KAZN: variants seen among roughly 807,000 people sequenced by gnomAD.
KAZN encodes kazrin, periplakin interacting protein.
A neutral mutation model predicts 87.4 loss-of-function variants in KAZN; 40 were observed. The observed-to-expected ratio is 0.46, with a 90% CI of 0.36 to 0.60. KAZN has a LOEUF of 0.60. Ranked by LOEUF, KAZN falls within the 20% of genes least tolerant of loss-of-function variation. KAZN has a pLI of 0.00. For synonymous variants in KAZN, 466 were observed against 458.3 expected, an observed-to-expected ratio of 1.02 and a Z score of -0.22; for missense variants, 898 against 1,073.9, an observed-to-expected ratio of 0.84 and a Z score of 2.29.
At chr1:14,809,710 A>G (rs3933177) in intron 1 of KAZN, among the ~76,000 whole-genome samples, 36,678 of 152,140 alleles carry the variant, frequency 0.24, 5,375 homozygotes, top group African/African-American at 0.41. Flanking sequence ...GGGCTAGGGT[A>G]TGAAGCCAGC....
At chr1:14,502,646 G>A (rs1379706928) in intron 2 of KAZN, among the ~76,000 whole-genome samples, 1 of 152,132 alleles carries the variant, frequency 6.6e-6, no homozygotes, top group East Asian at 1.9e-4. Context: ...TATTTTAGTT[G>A]AGGACTGAAC....
At chr1:14,225,973 C>G (rs12141963) in intron 2 of KAZN, among the ~76,000 whole-genome samples, 1 of 151,960 alleles carries the variant, frequency 6.6e-6, no homozygotes, top group Non-Finnish European at 1.5e-5. Context: ...GATGAAGACT[C>G]CAAAAGCAAT....
At chr1:15,064,989 G>A (rs1442494931) in intron 7 of KAZN, among the ~76,000 whole-genome samples, 2 of 150,990 alleles carry the variant, frequency 1.3e-5, no homozygotes, top group South Asian at 2.1e-4. Context: ...CTGAATGCCT[G>A]TGGCACACCA....
At chr1:13,995,624 G>A (rs10927982) in intron 1 of KAZN, among the ~76,000 whole-genome samples, 21,397 of 152,154 alleles carry the variant, frequency 0.14, 1,618 homozygotes, top group Middle Eastern at 0.22. Context: ...GATTTGACAC[G>A]ATCCCAATCA....
chr1:14,234,754 T>C (rs1310167091), intron 2 of KAZN, among the ~76,000 whole-genome samples: 2 of 152,204 alleles, frequency 1.3e-5, no homozygotes, highest in Admixed American at 1.3e-4. Context: ...AGGTGATGAA[T>C]CTGAGTTAGC....
At chr1:15,017,874 G>C (rs1352527052) in intron 2 of KAZN, among the ~76,000 whole-genome samples, 1 of 152,056 alleles carries the variant, frequency 6.6e-6, no homozygotes, top group African/African-American at 2.4e-5. Flanking sequence ...TCATAAGCCT[G>C]CCTCTGGCAT....
At chr1:14,585,297 G>A (rs993104172) in intron 2 of KAZN, among the ~76,000 whole-genome samples, 1 of 152,212 alleles carries the variant, frequency 6.6e-6, no homozygotes, top group African/African-American at 2.4e-5. Flanking sequence ...TCAATCATGT[G>A]TTAGTCAGCT....
intron 2 of KAZN, among the ~76,000 whole-genome samples, chr1:14,289,896 C>T (rs918825150): frequency 1.8e-4 from 28 of 152,034 alleles, no homozygotes; most frequent in African/African-American, 5.1e-4. Flanking sequence ...AATCTCTCAG[C>T]GTTTGTTTGT....
chr1:14,092,824 T>C (rs1644037599), intron 1 of KAZN, among the ~76,000 whole-genome samples: 1 of 152,228 alleles, frequency 6.6e-6, no homozygotes, highest in African/African-American at 2.4e-5. Flanking sequence ...GTAAGTGTTG[T>C]GTAATGTACT....
intron 1 of KAZN, among the ~76,000 whole-genome samples, chr1:14,695,510 C>CTTTTTTTTTTTTTTTTTTTTGTTTTTTTT (rs112667110): frequency 1.2e-5 from 1 of 85,048 alleles, no homozygotes; most frequent in Admixed American, 1.2e-4. Context: ...TACATTCCAT[C>CTTTTTTTTTTTTTTTTTTTTGTTTTTTTT]TTTTTTTTTT....
intron 2 of KAZN, among the ~76,000 whole-genome samples, chr1:14,302,048 C>G (rs752483621): frequency 5.9e-5 from 9 of 152,320 alleles, no homozygotes; most frequent in Non-Finnish European, 1.3e-4. Flanking sequence ...AGTGCAAGAT[C>G]TGGCACTTGG....
chr1:14,929,229 A>G (rs898964344), intron 1 of KAZN, among the ~76,000 whole-genome samples: 2 of 152,202 alleles, frequency 1.3e-5, no homozygotes, highest in African/African-American at 2.4e-5. Flanking sequence ...GACTTGATGT[A>G]TATGTGTTTA....
intron 1 of KAZN, among the ~76,000 whole-genome samples, chr1:13,923,366 G>C (rs1007753366): frequency 4.6e-5 from 7 of 152,078 alleles, no homozygotes; most frequent in African/African-American, 1.7e-4. Context: ...GAGGTCAGGA[G>C]ATTGAGACCA....
intron 2 of KAZN, among the ~76,000 whole-genome samples, chr1:14,234,643 G>GATCT (rs1648227657): frequency 6.6e-6 from 1 of 152,172 alleles, no homozygotes; most frequent in African/African-American, 2.4e-5. Context: ...GCAAGGTGTG[G>GATCT]GGGTGGTGGA....
At chr1:14,313,887 G>T (rs998231377) in intron 2 of KAZN, among the ~76,000 whole-genome samples, 2 of 151,878 alleles carry the variant, frequency 1.3e-5, no homozygotes, top group Admixed American at 1.3e-4. Context: ...AAAGGGTTGG[G>T]AATCATAAAT....
In KAZN at chr1:15,071,463, C is replaced by T. The variant is rs1557778811; in HGVS notation, c.1222+5710C>T. On this transcript the variant is annotated intron_variant, in intron 8 of 14. Coordinates refer to ENST00000376030, the MANE Select transcript of KAZN (RefSeq NM_201628.3). ...AGAGACGGGAGTTTGCCATGTTGGC[C>T]AGGCTGATTTTGAACGCCTGACCTC... Among the ~76,000 whole-genome samples the T allele has an allele frequency of 3.3e-5, 5 of 152,118 alleles. No individual in the cohort carries two copies. In the South Asian group the frequency reaches 8.3e-4, roughly 25 times the overall value.
At chr1:14,904,935 G>A (rs1029968709) in intron 1 of KAZN, among the ~76,000 whole-genome samples, 2 of 152,092 alleles carry the variant, frequency 1.3e-5, no homozygotes, top group African/African-American at 4.8e-5. Flanking sequence ...CTAATTTTTT[G>A]TATTTTTAGT....
At chr1:13,969,026 C>T (rs1642043182) in intron 1 of KAZN, among the ~76,000 whole-genome samples, 1 of 152,166 alleles carries the variant, frequency 6.6e-6, no homozygotes. Context: ...ATGGATTATT[C>T]TTCACGAATT....
intron 2 of KAZN, among the ~76,000 whole-genome samples, chr1:14,401,881 C>T (rs79026104): frequency 6.6e-6 from 1 of 152,042 alleles, no homozygotes; most frequent in East Asian, 1.9e-4. Flanking sequence ...GCTGCTGGAA[C>T]CTAAAAGCAA....
Sources: gnomAD v4.1 joint callset for allele counts (sites outside exome capture counted in the v4.1 genomes callset) on GRCh38, gnomAD v4.1.1 for gene constraint, MANE v1.5 for transcripts, NCBI Gene and HGNC (gene_info 2026-07-23, HGNC 2026-07-21) for gene names.